PHYKPL: variants seen among roughly 807,000 people sequenced by gnomAD.
The protein encoded by PHYKPL is 5-phosphohydroxy-L-lysine phospho-lyase.
PHYKPL carries 42 observed loss-of-function variants against 51.3 expected under a neutral mutation model. That is an observed-to-expected ratio of 0.82 (90% CI 0.64 to 1.06). The LOEUF is 1.06. Among genes scored for constraint, PHYKPL ranks in the 50% least tolerant of loss-of-function variants. The pLI, the probability that PHYKPL is intolerant of heterozygous loss-of-function variation, is 0.00. For synonymous variants in PHYKPL, 264 were observed against 236.0 expected, an observed-to-expected ratio of 1.12 and a Z score of -1.09; for missense variants, 655 against 586.6, an observed-to-expected ratio of 1.12 and a Z score of -1.20.
intron 12 of PHYKPL, chr5:178,209,529 T>C: frequency 1.6e-6 from 2 of 1,231,256 alleles, no homozygotes; most frequent in Non-Finnish European, 1.2e-6. Context: ...CTCCCTCTGG[T>C]GCTGTGCAGC....
intron 3 of PHYKPL, chr5:178,229,637 A>G: frequency 3.8e-6 from 1 of 260,004 alleles, no homozygotes; most frequent in South Asian, 8.0e-5. Context: ...TTCCTTACTG[A>G]GCAACCCACA....
downstream of PHYKPL, among the ~76,000 whole-genome samples, chr5:178,208,080 A>G (rs984635948): frequency 1.4e-4 from 22 of 152,260 alleles, no homozygotes; most frequent in Non-Finnish European, 2.6e-4. Context: ...GTGCTTTCAA[A>G]TGAGTGGATT....
intron 8 of PHYKPL, among the ~76,000 whole-genome samples, chr5:178,217,447 G>C (rs67418220): frequency 0.4 from 60,708 of 151,278 alleles, 12,289 homozygotes; most frequent in Admixed American, 0.47. Context: ...TCTTAAACCC[G>C]GGACCTCAAG....
At position 178,230,048 on chromosome 5, in the gene PHYKPL, A is replaced by T. The variant is rs578052208; in HGVS notation, c.230T>A (p.Val77Glu). 6.2e-7 allele frequency: 1 copy of T among 1,614,142 alleles called. No individual in the cohort carries two copies. The highest frequency in any genetic ancestry group is 1.7e-5 in the Admixed American group (1 of 60,016). ...CAGGTACCGGCTGTTGGTGTTGAGC[A>T]CCTGGTTCTGCTCATGTGCTGCTTG... ...VVQAAHEQNQ[V>E]LNTNSRYLHD... is the part of the protein sequence containing the mutation. Residue 77 changes from valine to glutamate, a missense_variant, in exon 3 of 13, where the codon GTG (valine) becomes GAG (glutamate). Val to Glu is a moderately radical substitution (Grantham distance 121). Transcript: ENST00000308158.
intron 3 of PHYKPL, among the ~76,000 whole-genome samples, chr5:178,226,870 T>C (rs923947326): frequency 5.9e-5 from 9 of 152,172 alleles, no homozygotes; most frequent in African/African-American, 1.7e-4. Flanking sequence ...AGCCAGGAAC[T>C]GTGGACGAAA....
intron 11 of PHYKPL, 80 bp from the exon 12 acceptor site, chr5:178,212,050 G>A: frequency 6.7e-7 from 1 of 1,501,020 alleles, no homozygotes; most frequent in Non-Finnish European, 9.3e-7. Context: ...TGTCCAAACT[G>A]GAGGACAGTT....
chr5:178,221,140 T>C (rs766551397), intron 8 of PHYKPL, among the ~76,000 whole-genome samples: 3 of 152,234 alleles, frequency 2.0e-5, no homozygotes, highest in Non-Finnish European at 4.4e-5. Flanking sequence ...AAGAGGGCTA[T>C]GCACAGACAG....
intron 8 of PHYKPL, among the ~76,000 whole-genome samples, chr5:178,218,628 C>G (rs1482640254): frequency 6.6e-6 from 1 of 152,216 alleles, no homozygotes; most frequent in Non-Finnish European, 1.5e-5. Context: ...CTTAGATTTG[C>G]AGCCTTCAGA....
Position 178,219,676 on chromosome 5 carries a change from T to G in PHYKPL, c.927+2679A>C, listed in dbSNP as rs981057455. Among the ~76,000 whole-genome samples, 7 of 151,922 alleles carry G rather than the reference T, an allele frequency of 4.6e-5. No individual in the cohort carries two copies. In the South Asian group the frequency reaches 1.2e-3, roughly 27 times the overall value. On this transcript the variant is annotated intron_variant, in intron 8 of 12. Transcript: ENST00000308158. ...CGTGTTAGCCAGGATGGTCTCGATC[T>G]CCTGACCTCGTGATCTGCCCACCTC... is the stretch of plus-strand genomic sequence containing the variant.
At chr5:178,210,526 A>G in intron 12 of PHYKPL, 1 of 1,608,186 alleles carries the variant, frequency 6.2e-7, no homozygotes, top group Non-Finnish European at 8.5e-7. Context: ...TGTAAATAGT[A>G]GCTGCTATGG....
intron 1 of PHYKPL, 189 bp from the exon 2 acceptor site, chr5:178,231,712 TG>T (rs1763469713): frequency 1.9e-6 from 3 of 1,546,192 alleles, no homozygotes; most frequent in Non-Finnish European, 2.6e-6. Context: ...AGGAAGCAGA[TG>T]GGGTAACAAG....
At chr5:178,224,389 G>A (rs973095814) in intron 6 of PHYKPL, 59 bp downstream of exon 6, 101 of 1,454,986 alleles carry the variant, frequency 6.9e-5, no homozygotes, top group Non-Finnish European at 8.7e-5. Flanking sequence ...GCACAGTGGC[G>A]GTGACAACGG....
At chr5:178,209,574 C>A (rs112520839) in intron 12 of PHYKPL, 5 of 761,014 alleles carry the variant, frequency 6.6e-6, no homozygotes, top group Non-Finnish European at 1.1e-5. Flanking sequence ...TGGGGACGAA[C>A]AGGAATAGGA....
chr5:178,215,601 G>T, intron 8 of PHYKPL, 171 bp from the exon 9 acceptor site: 2 of 722,370 alleles, frequency 2.8e-6, no homozygotes, highest in Non-Finnish European at 4.3e-6. Context: ...GGTTCAACAT[G>T]GGCTGTCCTG....
In PHYKPL at chr5:178,215,331, G is replaced by A; in HGVS notation, c.1027C>T (p.Leu343=). Residue 343 remains leucine, a synonymous_variant, in exon 9 of 13, where the codon CTG becomes TTG. Coordinates refer to ENST00000308158, the MANE Select transcript of PHYKPL (RefSeq NM_153373.4). ...QDHATSVGSF[L]MQLLGQQKIK... ...TTTTGCTGCCCGAGGAGCTGCATCA[G>A]GAAGCTGCCTACACTGGTGGCATGA... 1 of 1,614,068 alleles carries A rather than the reference G, an allele frequency of 6.2e-7. No homozygotes were observed. The highest frequency in any genetic ancestry group is 8.5e-7 in the Non-Finnish European group (1 of 1,179,984).
Position 178,229,921 on chromosome 5 carries a change from C to G in PHYKPL, c.338+19G>C. 6.2e-7 allele frequency: 1 copy of G among 1,610,252 alleles called. No individual in the cohort carries two copies. The highest frequency in any genetic ancestry group is 1.1e-5 in the South Asian group (1 of 91,028). On this transcript the variant is annotated intron_variant, in intron 3 of 12. Transcript: ENST00000308158. ...TACCGTCTCACCCTCTTCCCGGGGGCTGGCCACAGTCCACTTACCCAGAAT... is the reference window on the plus strand; with the variant it reads ...TACCGTCTCACCCTCTTCCCGGGGGGTGGCCACAGTCCACTTACCCAGAAT...
intron 3 of PHYKPL, among the ~76,000 whole-genome samples, chr5:178,226,919 TTATA>T (rs920814307): frequency 3.3e-5 from 5 of 151,848 alleles, no homozygotes; most frequent in Non-Finnish European, 7.4e-5. Flanking sequence ...GTCTGTGTAT[TTATA>T]TATATATGTG....
chr5:178,213,465 TAGAG>T (rs1314475757), intron 10 of PHYKPL, among the ~76,000 whole-genome samples: 5 of 152,134 alleles, frequency 3.3e-5, no homozygotes, highest in Non-Finnish European at 1.5e-5. Context: ...TTTCCTTATA[TAGAG>T]AATGTCCAAC....
At chr5:178,215,580 G>T in intron 8 of PHYKPL, 150 bp from the exon 9 acceptor site, 1 of 903,330 alleles carries the variant, frequency 1.1e-6, no homozygotes, top group Non-Finnish European at 1.6e-6. Flanking sequence ...GTCCTCAGCA[G>T]TAGTAAGTGG....
Sources: allele counts gnomAD v4.1 joint callset (sites outside exome capture counted in the v4.1 genomes callset), GRCh38; gene constraint gnomAD v4.1.1; transcripts MANE v1.5; gene names NCBI Gene and HGNC (gene_info 2026-07-23, HGNC 2026-07-21).